Variants in GNAT2 observed in about 807,000 individuals in gnomAD.
The protein encoded by GNAT2 is G protein subunit alpha transducin 2.
Under a neutral mutation model 40.9 loss-of-function variants are expected in GNAT2, and 32 were observed. The observed-to-expected ratio is 0.78, with a 90% confidence interval of 0.59 to 1.05. GNAT2 has a LOEUF of 1.05. Among genes scored for constraint, GNAT2 ranks in the 50% least tolerant of loss-of-function variants. The pLI is 0.00. For synonymous variants in GNAT2, 141 were observed against 157.2 expected (o/e 0.90, Z 0.77); for missense variants, 355 against 431.5 (o/e 0.82, Z 1.57).
chr1:109,609,339 A>C (rs936556615), intron 4 of GNAT2: 3 of 184,258 alleles, frequency 1.6e-5, no homozygotes, highest in African/African-American at 7.1e-5. Context: ...TGTGTTATAA[A>C]GTAGGGCTTG....
chr1:109,609,831 C>T (rs1013750847), intron 4 of GNAT2: 12 of 585,140 alleles, frequency 2.1e-5, no homozygotes, highest in Non-Finnish European at 3.4e-5. Context: ...AGAAAGGTAC[C>T]GTCTACCTTA....
At chr1:109,604,242 C>T (rs541173083) in intron 7 of GNAT2, 138 bp from the exon 8 acceptor site, 14 of 717,860 alleles carry the variant, frequency 2.0e-5, no homozygotes, top group Non-Finnish European at 3.3e-5. Context: ...CTCAATGTAC[C>T]AGAGTAAAGC....
chr1:109,619,568 C>T lies in GNAT2; in HGVS notation c.-139G>A, dbSNP rs56079255. The T allele has an allele frequency of 0.031, 4,657 of 152,548 alleles. 105 individuals are homozygous for T. The highest frequency in any genetic ancestry group is 0.05 in the Non-Finnish European group (3,421 of 68,066). The allele number at this position is 152,548 out of a possible 1,614,324, so 9.4% of individuals were successfully genotyped here. A position where few individuals can be genotyped will look rare whatever the true frequency, so the allele number is the denominator to read the frequency against. Reference sequence around the variant, plus strand: ...AAAATGAATCCTGGGACAATGATAACAGCTACCTTTCACTGGGCCCTCACT... The same window carrying T: ...AAAATGAATCCTGGGACAATGATAATAGCTACCTTTCACTGGGCCCTCACT... On this transcript the variant is annotated 5_prime_UTR_variant, in exon 1 of 9. Transcript: ENST00000679935.
intron 2 of GNAT2, chr1:109,612,398 A>C (rs186297221): frequency 2.9e-5 from 10 of 350,404 alleles, no homozygotes; most frequent in Admixed American, 7.8e-5. Context: ...CTTGGCTTAG[A>C]GTTCTCTGCA....
At position 109,610,189 on chromosome 1, in the gene GNAT2, GGGCA is replaced by G. The variant is rs1343530607; in HGVS notation, c.162-12_162-9del. The G allele has an allele frequency of 1.2e-6, 2 of 1,613,852 alleles. No individual in the cohort carries two copies. The highest frequency in any genetic ancestry group is 3.3e-5 in the Admixed American group (2 of 60,014). On this transcript the variant is annotated splice_polypyrimidine_tract_variant and intron_variant, in intron 3 of 8. Coordinates refer to ENST00000679935, the MANE Select transcript of GNAT2 (RefSeq NM_001377295.2). Reference sequence around the variant, plus strand: ...CCATCCTGGTGAATGATCCTGCAAGGGGCAGACACTCTGTCTTTAGCTGGACCTG... The same window carrying G: ...CCATCCTGGTGAATGATCCTGCAAGGGACACTCTGTCTTTAGCTGGACCTG...
intron 6 of GNAT2, 58 bp downstream of exon 6, chr1:109,606,250 G>T (rs1302669345): frequency 1.3e-6 from 2 of 1,594,384 alleles, no homozygotes; most frequent in Non-Finnish European, 1.7e-6. Flanking sequence ...GCCTGCCTGT[G>T]CCCCTTTTCA....
rs1649700518 is a variant in GNAT2, at chr1:109,608,752, T to C, written c.340A>G (p.Ile114Val). Residue 114 changes from isoleucine (I) to valine (V), a missense_variant, in exon 5 of 9, where the codon ATT becomes GTT. By Grantham distance (29) the Ile-to-Val change is conservative (BLOSUM62 3). Transcript: ENST00000679935. ...TCAGGAGGCATGGTTCCCTCCTCAA[T>C]GGAGTCAGCCAGGTTGTTGAGCTGT... ...GRQLNNLADS[I>V]EEGTMPPELV... 1.2e-6 allele frequency: 2 copies of C among 1,613,860 alleles called. No individual in the cohort carries two copies.
At chr1:109,607,504 A>G (rs779391447) in intron 5 of GNAT2, 1 of 151,358 alleles carries the variant, frequency 6.6e-6, no homozygotes, top group Non-Finnish European at 1.5e-5. Context: ...GACTGAGAGG[A>G]GGAGGGAAGT....
At position 109,610,120 on chromosome 1, in the gene GNAT2, C is replaced by T; in HGVS notation, c.223G>A (p.Gly75Arg). 6.2e-7 allele frequency: 1 copy of T among 1,613,836 alleles called. No individual in the cohort carries two copies. Among genetic ancestry groups the T allele is most frequent in the Non-Finnish European group, 8.5e-7 (1 of 1,179,698 alleles). ...GCCAGGATGGACTGCAGCACATTTC[C>T]ATAGATGATAGCCTTGAACTCCAGG... Reference protein sequence around the residue: ...ECLEFKAIIYGNVLQSILAII... With the variant: ...ECLEFKAIIYRNVLQSILAII... Residue 75 changes from glycine (G) to arginine (R), a missense_variant, in exon 4 of 9, where the codon GGA becomes AGA. Gly to Arg is a moderately radical substitution (Grantham distance 125). Transcript: ENST00000679935.
chr1:109,618,024 G>T (rs1354937438), intron 1 of GNAT2: 2 of 152,154 alleles, frequency 1.3e-5, no homozygotes, highest in East Asian at 1.9e-4. Flanking sequence ...AGGCTGGGTT[G>T]GGGGGACTGT....
intron 2 of GNAT2, 81 bp from the exon 3 acceptor site, chr1:109,610,588 C>CAAG: frequency 4.3e-6 from 5 of 1,161,356 alleles, no homozygotes; most frequent in Non-Finnish European, 6.5e-6. Context: ...GAAGTCAGAG[C>CAAG]CACTGCTTGC....
Position 109,610,190 on chromosome 1 carries a change from G to A in GNAT2, c.162-9C>T. ...CATCCTGGTGAATGATCCTGCAAGG[G>A]GCAGACACTCTGTCTTTAGCTGGAC... On this transcript the variant is annotated splice_polypyrimidine_tract_variant and intron_variant, in intron 3 of 8. Transcript: ENST00000679935. 6.2e-7 allele frequency: 1 copy of A among 1,613,798 alleles called. No homozygotes were observed. Among genetic ancestry groups the A allele is most frequent in the African/African-American group, 1.3e-5 (1 of 75,016 alleles).
intron 7 of GNAT2, chr1:109,605,610 C>T (rs1649569723): frequency 3.0e-6 from 1 of 336,914 alleles, no homozygotes; most frequent in Non-Finnish European, 5.8e-6. Flanking sequence ...TCATTTTCAT[C>T]TCCTTCCTTA....
chr1:109,608,535 G>C (rs1022055429), intron 5 of GNAT2, 96 bp downstream of exon 5: 118 of 1,189,114 alleles, frequency 9.9e-5, no homozygotes, highest in Middle Eastern at 3.8e-4. Context: ...TTCAATGCCT[G>C]AAATTTTGGG....
rs75695320 is a variant in GNAT2 at position 109,603,581 on chromosome 1, A to G, written c.875-37T>C. 3.0e-4 allele frequency: 412 copies of G among 1,352,456 alleles called. No individual in the cohort carries two copies. The African/African-American group carries it at 5.1e-3, about 17-fold the overall frequency. The allele number at this position is 1,352,456 out of a possible 1,614,324, so 83.8% of individuals were successfully genotyped here. On this transcript the variant is annotated intron_variant, in intron 8 of 8. Coordinates refer to ENST00000679935, the MANE Select transcript of GNAT2 (RefSeq NM_001377295.2). ...GAAAAATAGTGAAAAAGTAGAATAA[A>G]TGAACCCTTGTTAGTTGCTGACTCA...
intron 1 of GNAT2, among the ~76,000 whole-genome samples, chr1:109,619,028 T>A (rs1478722752): frequency 6.6e-6 from 1 of 152,194 alleles, no homozygotes; most frequent in East Asian, 1.9e-4. Flanking sequence ...TTCCTGCTAA[T>A]GCATTTAATT....
intron 2 of GNAT2, chr1:109,610,815 A>C (rs1649770830): frequency 4.3e-6 from 2 of 468,384 alleles, no homozygotes; most frequent in Non-Finnish European, 7.9e-6. Flanking sequence ...TATGACAACC[A>C]AAAGTGTCTC....
intron 7 of GNAT2, chr1:109,604,877 GGTCTCATAGACTTGTTTTATTAAT>G (rs1278225671): frequency 5.9e-5 from 9 of 152,416 alleles, no homozygotes; most frequent in East Asian, 3.8e-4. Flanking sequence ...AACCCTTTAA[GGTCTCATAGACTTGTTTTATTAAT>G]GTCTCATAGA....
At chr1:109,603,849 G>C (rs1649508630) in intron 8 of GNAT2, 102 bp downstream of exon 8, 2 of 893,206 alleles carry the variant, frequency 2.2e-6, no homozygotes, top group Non-Finnish European at 3.7e-6. Context: ...TGTGCCCAAG[G>C]TTCTCCCTTA....
Sources: gnomAD v4.1 joint callset for allele counts (sites outside exome capture counted in the v4.1 genomes callset) on GRCh38, gnomAD v4.1.1 for gene constraint, MANE v1.5 for transcripts, NCBI Gene and HGNC (gene_info 2026-07-23, HGNC 2026-07-21) for gene names.